ZNF536: variants seen among roughly 807,000 people sequenced by gnomAD.
ZNF536 encodes the protein zinc finger protein 536.
A neutral mutation model predicts 84.5 loss-of-function variants in ZNF536; 13 were observed. That is an observed-to-expected ratio of 0.15 (90% CI 0.10 to 0.24). ZNF536 has a LOEUF of 0.24. Ranked by LOEUF, ZNF536 falls within the 10% of genes least tolerant of loss-of-function variation. The pLI is 1.00. For missense variants in ZNF536, 1,536 were observed against 1,747.5 expected, an observed-to-expected ratio of 0.88 and a Z score of 2.16; for synonymous variants, 811 against 742.5, an observed-to-expected ratio of 1.09 and a Z score of -1.50.
Position 30,548,216 on chromosome 19 carries a change from C to T in ZNF536, c.2597C>T (p.Ser866Phe), listed in dbSNP as rs1417710723. ...SQQWTSGVLS[S>F]GDHSGQATGM... is the part of the protein sequence containing the mutation. Reference sequence around the variant, plus strand: ...CAGTGGACATCAGGGGTTCTCTCCTCTGGAGATCACTCGGGGCAGGCCACG... The same window carrying T: ...CAGTGGACATCAGGGGTTCTCTCCTTTGGAGATCACTCGGGGCAGGCCACG... The change falls in exon 4 of 5, where the codon TCT (serine) becomes TTT (phenylalanine). Residue 866 changes from serine (S) to phenylalanine (F), a missense_variant. Physicochemically the swap from Ser to Phe is radical, Grantham distance 155 (BLOSUM62 -2). Around this residue, in one of 8 missense-constraint regions of ZNF536, gnomAD observed 624 missense variants for 603.1 expected, o/e 1.03. Coordinates refer to ENST00000355537, the MANE Select transcript of ZNF536 (RefSeq NM_014717.3). 6.2e-7 allele frequency: 1 copy of T among 1,614,220 alleles called. No homozygotes were observed. The highest frequency in any genetic ancestry group is 8.5e-7 in the Non-Finnish European group (1 of 1,180,046).
At chr19:30,227,944 C>T (rs2022714908), upstream of ZNF536, among the ~76,000 whole-genome samples, 1 of 151,992 alleles carries the variant, frequency 6.6e-6, no homozygotes, top group African/African-American at 2.4e-5. Context: ...CGTTCCCCAA[C>T]CCTGGTGTCC....
chr19:30,558,279 T>C (rs1385748776), downstream of ZNF536, among the ~76,000 whole-genome samples: 2 of 151,960 alleles, frequency 1.3e-5, no homozygotes, highest in Non-Finnish European at 2.9e-5. Flanking sequence ...ACCTTCCAAT[T>C]TGGGTGGATG....
At chr19:30,455,819 G>T (rs1227405965) in intron 2 of ZNF536, among the ~76,000 whole-genome samples, 2 of 152,190 alleles carry the variant, frequency 1.3e-5, no homozygotes, top group Non-Finnish European at 2.9e-5. Flanking sequence ...CAAACTCGAG[G>T]TGAACATTTT....
At chr19:30,242,977 T>G (rs2024038588) in intron 1 of ZNF536, among the ~76,000 whole-genome samples, 1 of 152,210 alleles carries the variant, frequency 6.6e-6, no homozygotes, top group African/African-American at 2.4e-5. Flanking sequence ...GAGTCCTGCA[T>G]ACATATCGTA....
intron 1 of ZNF536, among the ~76,000 whole-genome samples, chr19:30,254,589 A>G (rs1043346149): frequency 3.0e-4 from 43 of 145,506 alleles, no homozygotes; most frequent in African/African-American, 1.0e-3. Flanking sequence ...TCTTTTTGAA[A>G]AAAAAAAAAA....
intron 1 of ZNF536, among the ~76,000 whole-genome samples, chr19:30,594,963 G>A (rs1392653008): frequency 6.6e-6 from 1 of 151,972 alleles, no homozygotes; most frequent in Non-Finnish European, 1.5e-5. Context: ...GTGCTGCCCT[G>A]GCAGCACTGA....
chr19:30,234,756 C>CAG (rs2023347473), intron 1 of ZNF536, among the ~76,000 whole-genome samples: 1 of 149,254 alleles, frequency 6.7e-6, no homozygotes, highest in Non-Finnish European at 1.5e-5. Context: ...CACACACACA[C>CAG]ACACACACAC....
chr19:30,260,555 T>C (rs2025153454), intron 1 of ZNF536, among the ~76,000 whole-genome samples: 1 of 152,206 alleles, frequency 6.6e-6, no homozygotes, highest in African/African-American at 2.4e-5. Flanking sequence ...AATTCTCAGG[T>C]AGAGCTTTCT....
chr19:30,332,391 C>A (rs544935457), intron 2 of ZNF536, among the ~76,000 whole-genome samples: 1 of 152,236 alleles, frequency 6.6e-6, no homozygotes, highest in East Asian at 1.9e-4. Flanking sequence ...TGGGAGCATG[C>A]ACCTGGCACC....
At chr19:30,695,930 T>C (rs2051638942) in intron 1 of ZNF536, among the ~76,000 whole-genome samples, 1 of 152,180 alleles carries the variant, frequency 6.6e-6, no homozygotes, top group Non-Finnish European at 1.5e-5. Flanking sequence ...CCAATGTTCC[T>C]AAGGAGGGAA....
intron 1 of ZNF536, among the ~76,000 whole-genome samples, chr19:30,669,277 G>A (rs1252765941): frequency 6.6e-6 from 1 of 152,166 alleles, no homozygotes; most frequent in Non-Finnish European, 1.5e-5. Flanking sequence ...TGTTCCTCAC[G>A]CGCTTCCCTA....
chr19:30,662,981 T>C (rs2147605913), intron 1 of ZNF536, among the ~76,000 whole-genome samples: 1 of 149,634 alleles, frequency 6.7e-6, no homozygotes, highest in East Asian at 1.9e-4. Flanking sequence ...TTTTTTTTTT[T>C]TTTTTAAGAA....
intron 2 of ZNF536, among the ~76,000 whole-genome samples, chr19:30,304,665 G>A (rs996226245): frequency 6.6e-6 from 1 of 152,196 alleles, no homozygotes; most frequent in Non-Finnish European, 1.5e-5. Flanking sequence ...ACCTGGTAGG[G>A]TCCCTGAGCA....
intron 2 of ZNF536, 107 bp from the exon 3 acceptor site, chr19:30,534,739 AC>A: frequency 5.4e-6 from 6 of 1,104,488 alleles, no homozygotes; most frequent in Non-Finnish European, 7.5e-6. Flanking sequence ...AATGAAATAG[AC>A]AGGTGTAGTA....
chr19:30,548,911 G>A lies in ZNF536; in HGVS notation c.3292G>A (p.Gly1098Ser), dbSNP rs760425072. Residue 1098 changes from glycine (G) to serine (S), a missense_variant, in exon 4 of 5, where the codon GGC (glycine) becomes AGC (serine). Transcript: ENST00000355537. The stretch of plus-strand genomic sequence containing the variant: ...AGAGCAGAAGAGCGGTGCATGGACC[G>A]GCCACGTGGACCCTGCATTTTGTAA... ...LGEQKSGAWT[G>S]HVDPAFCNFP... is the part of the protein sequence containing the mutation. 4.2e-5 allele frequency: 68 copies of A among 1,613,946 alleles called. No individual in the cohort carries two copies. The highest frequency in any genetic ancestry group is 1.6e-4 in the Middle Eastern group (1 of 6,084).
rs571738404 is a variant in ZNF536, at chr19:30,535,775, C to T, written c.2323+776C>T. On this transcript the variant is annotated intron_variant, in intron 3 of 4. Transcript: ENST00000355537. ...GACACTTCCATTTTCTTTGATTTTC[C>T]TCCTGACACTTTATCTATTGGAGTA... Among the ~76,000 whole-genome samples, 138 of 152,096 alleles carry T rather than the reference C, an allele frequency of 9.1e-4. No homozygotes were observed. The South Asian group carries it at 0.017, about 19-fold the overall frequency.
chr19:30,264,757 G>A (rs1025085874), intron 1 of ZNF536, among the ~76,000 whole-genome samples: 2 of 152,112 alleles, frequency 1.3e-5, no homozygotes, highest in African/African-American at 4.8e-5. Context: ...GTGCAGCTGA[G>A]GGTCAGTTGC....
At chr19:30,260,881 G>A (rs936569591) in intron 1 of ZNF536, among the ~76,000 whole-genome samples, 1 of 152,114 alleles carries the variant, frequency 6.6e-6, no homozygotes, top group African/African-American at 2.4e-5. Context: ...AGACCCCCTG[G>A]CCCATCCCAT....
At chr19:30,623,856 T>C (rs2048578192) in intron 1 of ZNF536, among the ~76,000 whole-genome samples, 1 of 152,220 alleles carries the variant, frequency 6.6e-6, no homozygotes, top group Non-Finnish European at 1.5e-5. Context: ...GAATAGTGTC[T>C]GGTACTGGAG....
Sources: gnomAD v4.1 joint callset for allele counts (sites outside exome capture counted in the v4.1 genomes callset) on GRCh38, gnomAD v4.1.1 for gene constraint, gnomAD v4.1.1 regional missense constraint, MANE v1.5 for transcripts, NCBI Gene and HGNC (gene_info 2026-07-23, HGNC 2026-07-21) for gene names.